The following CHODL variants were observed in gnomAD, a reference collection of about 807,000 sequenced individuals.
CHODL encodes transmembrane protein MT75.
CHODL carries 29 observed loss-of-function variants against 34.5 expected under a neutral mutation model. That is an observed-to-expected ratio of 0.84 (90% CI 0.63 to 1.15). The LOEUF (loss-of-function observed/expected upper bound fraction) is 1.15, where lower values mean the gene tolerates loss of function less well. CHODL is among the 50% of genes most tolerant of loss of function. The pLI, the probability that CHODL is intolerant of heterozygous loss-of-function variation, is 0.00. For missense variants in CHODL, 332 were observed against 332.5 expected, an observed-to-expected ratio of 1.00 and a Z score of 0.01; for synonymous variants, 125 against 116.1, an observed-to-expected ratio of 1.08 and a Z score of -0.49.
intron 2 of CHODL, among the ~76,000 whole-genome samples, chr21:18,196,758 A>T (rs1383480073): frequency 6.6e-6 from 1 of 152,132 alleles, no homozygotes; most frequent in East Asian, 1.9e-4. Context: ...CTTCCCTTTC[A>T]TATGCAGAAT....
At chr21:18,161,667 C>T (rs1337562395) in intron 2 of CHODL, among the ~76,000 whole-genome samples, 2 of 152,134 alleles carry the variant, frequency 1.3e-5, no homozygotes, top group Non-Finnish European at 2.9e-5. Flanking sequence ...TCTGTTTCTA[C>T]TCATTTTTCA....
Position 17,918,044 on chromosome 21 carries a change from G to A in CHODL, c.-145+644G>A, listed in dbSNP as rs544119218. ...AGGTAAACCTTGTGAAGTCTGTGGA[G>A]TCATAAATGGCTCCTGAAACAAGAC... On this transcript the variant is annotated intron_variant, in intron 1 of 6. Coordinates refer to the CHODL transcript ENST00000400127. 2.6e-5 allele frequency among the ~76,000 whole-genome samples: 4 copies of A among 152,208 alleles called. No individual in the cohort carries two copies. In the South Asian group the frequency reaches 8.3e-4, roughly 32 times the overall value.
At chr21:18,090,941 C>G (rs1405248439) in intron 2 of CHODL, among the ~76,000 whole-genome samples, 3 of 152,174 alleles carry the variant, frequency 2.0e-5, no homozygotes, top group Non-Finnish European at 4.4e-5. Flanking sequence ...TTAAAAAAGA[C>G]ATTGAGGACA....
At chr21:18,150,902 G>T (rs2072956919) in intron 2 of CHODL, among the ~76,000 whole-genome samples, 1 of 151,920 alleles carries the variant, frequency 6.6e-6, no homozygotes, top group Admixed American at 6.5e-5. Context: ...TGGCCAAGAT[G>T]GTGAAACCCC....
At chr21:18,191,765 A>G (rs2073513465) in intron 2 of CHODL, among the ~76,000 whole-genome samples, 1 of 152,140 alleles carries the variant, frequency 6.6e-6, no homozygotes, top group Non-Finnish European at 1.5e-5. Flanking sequence ...CACACTCACA[A>G]AATCAGGGAG....
At position 18,000,570 on chromosome 21, in the gene CHODL, C is replaced by G. The variant is rs531139592; in HGVS notation, c.-144-27302C>G. On this transcript the variant is annotated intron_variant, in intron 1 of 6. Coordinates refer to the CHODL transcript ENST00000400127. The stretch of plus-strand genomic sequence containing the variant: ...TGTTCTAGTAAGTCACTTTTCTTCC[C>G]CCACCTATACTTTTACCATGACATT... 8.5e-5 allele frequency among the ~76,000 whole-genome samples: 13 copies of G among 152,174 alleles called. No individual in the cohort carries two copies. In the South Asian group the frequency reaches 2.5e-3, roughly 29 times the overall value.
At chr21:18,021,081 G>A (rs1218213481) in intron 1 of CHODL, among the ~76,000 whole-genome samples, 3 of 152,170 alleles carry the variant, frequency 2.0e-5, no homozygotes, top group African/African-American at 4.8e-5. Flanking sequence ...AATATTAAGT[G>A]ATTGGCTAGA....
intron 1 of CHODL, among the ~76,000 whole-genome samples, chr21:18,001,044 T>C (rs1267960081): frequency 6.6e-6 from 1 of 152,182 alleles, no homozygotes; most frequent in African/African-American, 2.4e-5. Context: ...GTGTGAGATA[T>C]ACTCAGAGTC....
intron 2 of CHODL, among the ~76,000 whole-genome samples, chr21:18,131,185 C>T (rs1370855368): frequency 1.3e-5 from 2 of 152,004 alleles, no homozygotes; most frequent in African/African-American, 4.8e-5. Context: ...AACAATCTCT[C>T]TGGTGTCTCA....
chr21:18,022,350 GTCT>G, intron 1 of CHODL: 1 of 152,116 alleles, frequency 6.6e-6, no homozygotes, highest in Admixed American at 6.5e-5. Context: ...ATATTTTCTT[GTCT>G]TTCTCATATA....
chr21:18,053,848 C>T (rs1030826940), intron 2 of CHODL, among the ~76,000 whole-genome samples: 2 of 151,736 alleles, frequency 1.3e-5, no homozygotes, highest in Non-Finnish European at 2.9e-5. Context: ...ACATTTTCAG[C>T]ACTGATTATA....
chr21:17,995,208 G>A (rs2824591), intron 1 of CHODL, among the ~76,000 whole-genome samples: 68,793 of 151,842 alleles, frequency 0.45, 16,468 homozygotes, highest in South Asian at 0.65. Context: ...AAATGGTGCC[G>A]TGCTGTAGCT....
chr21:18,141,391 T>C (rs56228740), intron 2 of CHODL, among the ~76,000 whole-genome samples: 1,696 of 152,054 alleles, frequency 0.011, 35 homozygotes, highest in African/African-American at 0.037. Context: ...AGAAAAAATG[T>C]GCCACTCCAC....
chr21:17,970,670 A>T (rs2063607378), intron 1 of CHODL, among the ~76,000 whole-genome samples: 3 of 151,876 alleles, frequency 2.0e-5, no homozygotes, highest in Admixed American at 2.0e-4. Flanking sequence ...TTTAGTGGTG[A>T]TTTCTGAGAT....
At chr21:18,208,459 C>G (rs534087134) in intron 2 of CHODL, among the ~76,000 whole-genome samples, 1 of 152,050 alleles carries the variant, frequency 6.6e-6, no homozygotes, top group Non-Finnish European at 1.5e-5. Flanking sequence ...GATCACATAT[C>G]TCTGTCTTTT....
intron 2 of CHODL, among the ~76,000 whole-genome samples, chr21:18,085,300 G>A (rs904354343): frequency 6.6e-6 from 1 of 151,938 alleles, no homozygotes; most frequent in Non-Finnish European, 1.5e-5. Flanking sequence ...AATATTAACA[G>A]GTGAGGCTTT....
At chr21:18,203,532 A>C (rs1358560740) in intron 2 of CHODL, among the ~76,000 whole-genome samples, 1 of 152,158 alleles carries the variant, frequency 6.6e-6, no homozygotes, top group Non-Finnish European at 1.5e-5. Context: ...TACAATTGAA[A>C]GTATAAAGAA....
chr21:18,190,550 A>G (rs1361000882), intron 2 of CHODL, among the ~76,000 whole-genome samples: 1 of 152,204 alleles, frequency 6.6e-6, no homozygotes, highest in East Asian at 1.9e-4. Flanking sequence ...TTACTCAGTA[A>G]AAAGGCTCAG....
intron 1 of CHODL, among the ~76,000 whole-genome samples, chr21:18,019,773 G>A (rs2064110685): frequency 6.6e-6 from 1 of 152,024 alleles, no homozygotes; most frequent in South Asian, 2.1e-4. Context: ...TACATGTATG[G>A]GGCAGCTGTA....
Sources: allele counts gnomAD v4.1 joint callset (sites outside exome capture counted in the v4.1 genomes callset), GRCh38; gene constraint gnomAD v4.1.1; transcripts MANE v1.5; gene names NCBI Gene and HGNC (gene_info 2026-07-23, HGNC 2026-07-21).